The following CDC42SE2 variants were observed in gnomAD, a reference collection of about 807,000 sequenced individuals.
CDC42SE2 encodes the protein CDC42 small effector protein 2.
In CDC42SE2, 3 loss-of-function variants were observed where a neutral mutation model predicts 11.5. The ratio of observed to expected loss-of-function variants is 0.26; its 90% CI spans 0.12 to 0.67. The LOEUF (loss-of-function observed/expected upper bound fraction) is 0.67. Ranked by LOEUF, CDC42SE2 falls within the 30% of genes least tolerant of loss-of-function variation. The pLI, the probability that CDC42SE2 is intolerant of heterozygous loss-of-function variation, is 0.80. For synonymous variants in CDC42SE2, 33 were observed against 34.8 expected (o/e 0.95, Z 0.18); for missense variants, 82 against 106.8 (o/e 0.77, Z 1.02).
intron 2 of CDC42SE2, among the ~76,000 whole-genome samples, chr5:131,326,352 A>AT (rs1189266959): frequency 3.9e-5 from 6 of 152,200 alleles, no homozygotes; most frequent in South Asian, 2.1e-4. Context: ...ACCAAATGAG[A>AT]TTTTTAAAAC....
chr5:131,376,604 T>C (rs1401794444), intron 3 of CDC42SE2, among the ~76,000 whole-genome samples: 1 of 152,160 alleles, frequency 6.6e-6, no homozygotes, highest in Non-Finnish European at 1.5e-5. Flanking sequence ...ACCCAGGTAA[T>C]AGGCATAGTA....
rs1314202431 is a variant in CDC42SE2 at position 131,391,987 on chromosome 5, A to G, written c.*896A>G. On this transcript the variant is annotated 3_prime_UTR_variant, in exon 5 of 5. Transcript: ENST00000505065. ...AGATGTTACTGTTCTGCTCTGAAGA[A>G]GATACTGTCAGACGAATCCTGCATT... 1 of 152,344 alleles carries G rather than the reference A, an allele frequency of 6.6e-6. No homozygotes were observed. The highest frequency in any genetic ancestry group is 1.5e-5 in the Non-Finnish European group (1 of 68,044). 9.4% of individuals were successfully genotyped at this position (152,344 alleles called of 1,614,324 possible). A position where few individuals can be genotyped will look rare whatever the true frequency, so the allele number is the denominator to read the frequency against.
chr5:131,346,076 A>G (rs908088691), intron 2 of CDC42SE2, among the ~76,000 whole-genome samples: 3 of 152,242 alleles, frequency 2.0e-5, no homozygotes, highest in Non-Finnish European at 2.9e-5. Flanking sequence ...TATCAATGCT[A>G]GGAAGAAACT....
At chr5:131,236,642 G>T in the CDC42SE2 span, among the ~76,000 whole-genome samples, 2 of 152,130 alleles carry the variant, frequency 1.3e-5, no homozygotes, top group Non-Finnish European at 2.9e-5. Flanking sequence ...GCCCAGGCTG[G>T]TCTTGAACTC....
intron 2 of CDC42SE2, among the ~76,000 whole-genome samples, chr5:131,352,455 A>C (rs1475167290): frequency 2.6e-5 from 4 of 152,234 alleles, no homozygotes; most frequent in Non-Finnish European, 5.9e-5. Context: ...ATGCTGTATA[A>C]TTATATTTAC....
intron 2 of CDC42SE2, among the ~76,000 whole-genome samples, chr5:131,353,722 A>G (rs546797351): frequency 1.2e-3 from 176 of 152,212 alleles, no homozygotes; most frequent in African/African-American, 4.2e-3. Context: ...CCTAGCCAAC[A>G]TGGTGAAACC....
chr5:131,265,494 C>A (rs1370435074), intron 1 of CDC42SE2, among the ~76,000 whole-genome samples: 1 of 152,134 alleles, frequency 6.6e-6, no homozygotes, highest in Non-Finnish European at 1.5e-5. Context: ...AAAATGTCAC[C>A]ATTTACTCAA....
In CDC42SE2 at chr5:131,360,944, ACT is replaced by A. The variant is rs1175142039; in HGVS notation, c.54+1400_54+1401del. Among the ~76,000 whole-genome samples the A allele has an allele frequency of 2.7e-5, 4 of 150,008 alleles. No individual in the cohort carries two copies. In the East Asian group the frequency reaches 5.8e-4, roughly 22 times the overall value. On this transcript the variant is annotated intron_variant, in intron 3 of 4. Transcript: ENST00000505065. Reference sequence around the variant, plus strand: ...ATTTTTTCTTAGCTCTTCTTTTCTAACTCTATTGGTGATGTCTTTTTTAAAAG... The same window carrying A: ...ATTTTTTCTTAGCTCTTCTTTTCTAACTATTGGTGATGTCTTTTTTAAAAG...
intron 2 of CDC42SE2, among the ~76,000 whole-genome samples, chr5:131,334,525 G>A (rs1758506358): frequency 6.6e-6 from 1 of 152,158 alleles, no homozygotes. Flanking sequence ...GATTGGAATA[G>A]TTTCAGAAGG....
At chr5:131,339,249 A>AAAG (rs1758651226) in intron 2 of CDC42SE2, among the ~76,000 whole-genome samples, 1 of 144,098 alleles carries the variant, frequency 6.9e-6, no homozygotes, top group African/African-American at 2.7e-5. Context: ...TCTGTCTGAA[A>AAAG]AAAAAAAAAA....
chr5:131,293,405 C>T (rs1015682483), intron 1 of CDC42SE2, among the ~76,000 whole-genome samples: 3 of 152,136 alleles, frequency 2.0e-5, no homozygotes, highest in African/African-American at 7.2e-5. Context: ...AACCCTGTTT[C>T]TACTAAAAAT....
At chr5:131,342,400 T>TC (rs1156831668) in intron 2 of CDC42SE2, among the ~76,000 whole-genome samples, 1 of 144,422 alleles carries the variant, frequency 6.9e-6, no homozygotes, top group East Asian at 2.0e-4. Context: ...TTTTTTTTTT[T>TC]TTTTTTTAAG....
At chr5:131,385,083 C>G (rs565741841) in intron 3 of CDC42SE2, among the ~76,000 whole-genome samples, 1 of 152,052 alleles carries the variant, frequency 6.6e-6, no homozygotes, top group Non-Finnish European at 1.5e-5. Flanking sequence ...ATGACAGATT[C>G]ATTTTAGCAT....
intron 2 of CDC42SE2, among the ~76,000 whole-genome samples, chr5:131,257,441 C>G (rs1199167598): frequency 6.6e-6 from 1 of 150,946 alleles, no homozygotes; most frequent in African/African-American, 2.4e-5. Flanking sequence ...TATCTCTGTG[C>G]TAGGAGGAAG....
chr5:131,245,681 A>C (rs907762411), intron 1 of CDC42SE2: 4 of 152,200 alleles, frequency 2.6e-5, no homozygotes, highest in East Asian at 1.9e-4. Context: ...GCTTCTTTAA[A>C]AATCCCAGTG....
chr5:131,306,371 T>C (rs1757777876), intron 1 of CDC42SE2, among the ~76,000 whole-genome samples: 1 of 152,008 alleles, frequency 6.6e-6, no homozygotes, highest in South Asian at 2.1e-4. Context: ...CTCTGTTTTG[T>C]GTTCTTGGTA....
intron 1 of CDC42SE2, among the ~76,000 whole-genome samples, chr5:131,275,170 A>C (rs2149696761): frequency 6.6e-6 from 1 of 152,300 alleles, no homozygotes; most frequent in Middle Eastern, 3.4e-3. Context: ...ATTTGGTAGT[A>C]GGGTGACAGC....
intron 2 of CDC42SE2, among the ~76,000 whole-genome samples, chr5:131,345,825 A>C (rs1758828389): frequency 6.6e-6 from 1 of 152,238 alleles, no homozygotes; most frequent in Non-Finnish European, 1.5e-5. Context: ...ATAAGCCAGA[A>C]GAGAGTGGGG....
chr5:131,342,276 CTCAA>C (rs1758728773), intron 2 of CDC42SE2, among the ~76,000 whole-genome samples: 1 of 10,936 alleles, frequency 9.1e-5, no homozygotes, highest in Non-Finnish European at 1.4e-4. Context: ...AAGACTCCTT[CTCAA>C]AAAAAAAAAA....
Sources: allele counts gnomAD v4.1 joint callset (sites outside exome capture counted in the v4.1 genomes callset), GRCh38; gene constraint gnomAD v4.1.1; transcripts MANE v1.5; gene names NCBI Gene and HGNC (gene_info 2026-07-23, HGNC 2026-07-21).